Variants in RORA observed in about 807,000 individuals in gnomAD.
RORA encodes the protein nuclear receptor ROR-alpha.
RORA carries 7 observed loss-of-function variants against 69.5 expected under a neutral mutation model. That is an observed-to-expected ratio of 0.10 (90% CI 0.06 to 0.19). The LOEUF is 0.19. Ranked by LOEUF, RORA falls within the 10% of genes least tolerant of loss-of-function variation. The pLI is 1.00. For synonymous variants in RORA, 261 were observed against 240.8 expected (o/e 1.08, Z -0.78); for missense variants, 457 against 663.0 (o/e 0.69, Z 3.41).
chr15:61,228,080 C>A (rs1164990950), intron 1 of RORA, among the ~76,000 whole-genome samples: 1 of 152,028 alleles, frequency 6.6e-6, no homozygotes, highest in African/African-American at 2.4e-5. Context: ...TAAAAATCGC[C>A]AGGGGAGGAG....
intron 1 of RORA, among the ~76,000 whole-genome samples, chr15:61,027,410 T>C (rs1895882685): frequency 6.6e-6 from 1 of 152,230 alleles, no homozygotes; most frequent in African/African-American, 2.4e-5. Context: ...TGGCTTATTC[T>C]GTTTTTAGCA....
chr15:61,145,388 T>C (rs1286407827), intron 1 of RORA, among the ~76,000 whole-genome samples: 1 of 152,230 alleles, frequency 6.6e-6, no homozygotes, highest in Non-Finnish European at 1.5e-5. Context: ...AGGTTAAGTA[T>C]CCAGTGCTCT....
At chr15:60,568,858 T>C (rs2067789915) in intron 2 of RORA, among the ~76,000 whole-genome samples, 1 of 151,204 alleles carries the variant, frequency 6.6e-6, no homozygotes, top group East Asian at 1.9e-4. Flanking sequence ...GAACAGGGAG[T>C]TGTTGATGAC....
chr15:61,092,328 A>G (rs2078720071), intron 1 of RORA, among the ~76,000 whole-genome samples: 1 of 152,242 alleles, frequency 6.6e-6, no homozygotes, highest in Non-Finnish European at 1.5e-5. Context: ...GGAAACTTCT[A>G]GTTTTTAGGT....
intron 1 of RORA, among the ~76,000 whole-genome samples, chr15:60,716,627 T>C (rs2071222314): frequency 6.6e-6 from 1 of 152,208 alleles, no homozygotes; most frequent in African/African-American, 2.4e-5. Flanking sequence ...GACAGGTCTC[T>C]GATCTTCTCC....
At chr15:61,163,657 G>A (rs1280764005) in intron 1 of RORA, among the ~76,000 whole-genome samples, 2 of 152,158 alleles carry the variant, frequency 1.3e-5, no homozygotes, top group Non-Finnish European at 2.9e-5. Flanking sequence ...AGTGGTAGCT[G>A]GTCAGAGAGG....
intron 2 of RORA, among the ~76,000 whole-genome samples, chr15:60,641,496 G>A (rs779930412): frequency 4.6e-5 from 7 of 151,804 alleles, no homozygotes; most frequent in Admixed American, 6.6e-5. Flanking sequence ...TGCAACCTCC[G>A]CGTCCTGGGT....
At chr15:60,655,638 T>G (rs2070210186) in intron 2 of RORA, among the ~76,000 whole-genome samples, 2 of 152,196 alleles carry the variant, frequency 1.3e-5, no homozygotes, top group Non-Finnish European at 2.9e-5. Flanking sequence ...TAAAGCTTCC[T>G]ACAGTAGAAG....
At chr15:60,960,471 T>C (rs374880691) in intron 1 of RORA, among the ~76,000 whole-genome samples, 11 of 152,224 alleles carry the variant, frequency 7.2e-5, no homozygotes, top group East Asian at 1.9e-4. Flanking sequence ...AGAAAATACC[T>C]GCTCAAAAAA....
chr15:60,993,644 C>CAAAAAAAAAAA (rs3053932), intron 1 of RORA, among the ~76,000 whole-genome samples: 5 of 83,040 alleles, frequency 6.0e-5, no homozygotes, highest in Non-Finnish European at 6.6e-5. Flanking sequence ...CTCTCCATCT[C>CAAAAAAAAAAA]AAAAAAAAAA....
chr15:60,753,092 T>A (rs549972234), intron 1 of RORA, among the ~76,000 whole-genome samples: 1 of 152,282 alleles, frequency 6.6e-6, no homozygotes, highest in East Asian at 1.9e-4. Flanking sequence ...CTAAAAGATA[T>A]GACAATAACA....
chr15:61,017,016 CATTATT>C (rs200696927), intron 1 of RORA, among the ~76,000 whole-genome samples: 59 of 151,974 alleles, frequency 3.9e-4, no homozygotes, highest in African/African-American at 1.4e-3. Context: ...AAAGTCACAC[CATTATT>C]ATTATTATTA....
intron 1 of RORA, among the ~76,000 whole-genome samples, chr15:61,027,659 C>G (rs1431454311): frequency 6.6e-6 from 1 of 152,208 alleles, no homozygotes; most frequent in Non-Finnish European, 1.5e-5. Context: ...GGCATCATCT[C>G]TAACTTTCTT....
intron 1 of RORA, among the ~76,000 whole-genome samples, chr15:60,721,863 G>C (rs770480523): frequency 6.6e-6 from 1 of 152,252 alleles, no homozygotes; most frequent in Non-Finnish European, 1.5e-5. Flanking sequence ...CTCAGACCAA[G>C]TCTGTCTCTT....
At chr15:60,498,286 T>C (rs2065224009) in intron 10 of RORA, among the ~76,000 whole-genome samples, 1 of 152,114 alleles carries the variant, frequency 6.6e-6, no homozygotes, top group Admixed American at 6.5e-5. Context: ...TCTACCACTG[T>C]GCAAAAAGAT....
At chr15:60,841,109 A>C (rs1250787237) in intron 1 of RORA, 1 of 984,586 alleles carries the variant, frequency 1.0e-6, no homozygotes, top group Non-Finnish European at 1.2e-6. Flanking sequence ...TTTTCAGCAG[A>C]GAGCTGAGGG....
At chr15:60,521,536 T>C (rs58133055) in intron 3 of RORA, among the ~76,000 whole-genome samples, 3,131 of 152,284 alleles carry the variant, frequency 0.021, 105 homozygotes, top group African/African-American at 0.072. Context: ...CCACCGTACC[T>C]GGCCACAATT....
rs553220373 is a variant in RORA at position 60,525,345 on chromosome 15, GTCTGAT to G, written c.282+6415_282+6420del. ...GGTGTGGCTGGGAAGGTGAACGGGGGTCTGATTCTGAGTTGTCCCCTCCTGTGTGGG... is the reference window on the plus strand; with the variant it reads ...GGTGTGGCTGGGAAGGTGAACGGGGGTCTGAGTTGTCCCCTCCTGTGTGGG... On this transcript the variant is annotated intron_variant, in intron 3 of 10. Coordinates refer to ENST00000335670, the MANE Select transcript of RORA (RefSeq NM_134261.3). Among the ~76,000 whole-genome samples the G allele has an allele frequency of 1.1e-4, 16 of 152,342 alleles. No homozygotes were observed. The East Asian group carries it at 2.9e-3, about 28-fold the overall frequency.
chr15:60,704,885 G>A (rs542256232), intron 1 of RORA, among the ~76,000 whole-genome samples: 5 of 152,214 alleles, frequency 3.3e-5, no homozygotes, highest in African/African-American at 9.6e-5. Context: ...GCTTGCACAC[G>A]ACATCACATT....
Sources: allele counts gnomAD v4.1 joint callset (sites outside exome capture counted in the v4.1 genomes callset), GRCh38; gene constraint gnomAD v4.1.1; transcripts MANE v1.5; gene names NCBI Gene and HGNC (gene_info 2026-07-23, HGNC 2026-07-21).